The following OPRM1 variants were observed in gnomAD, a reference collection of about 807,000 sequenced individuals.
The protein encoded by OPRM1 is mu-type opioid receptor.
A neutral mutation model predicts 31.8 loss-of-function variants in OPRM1; 27 were observed. The observed-to-expected ratio is 0.85, with a 90% CI of 0.63 to 1.17. The LOEUF is 1.17. Ranked by LOEUF, OPRM1 falls within the 50% of genes most tolerant of loss-of-function variation. The pLI is 0.00. For synonymous variants in OPRM1, 196 were observed against 189.9 expected, an observed-to-expected ratio of 1.03 and a Z score of -0.26; for missense variants, 536 against 511.1, an observed-to-expected ratio of 1.05 and a Z score of -0.47.
chr6:154,119,235 G>T lies in OPRM1; in HGVS notation c.*514G>T. ...AACTTCACCTTAAAATTAGCATCTG[G>T]CTAAGGCATCATTTTCACCTCCATT... On this transcript the variant is annotated 3_prime_UTR_variant, in exon 4 of 4. Coordinates refer to ENST00000330432, the MANE Select transcript of OPRM1 (RefSeq NM_000914.5). 1.0e-6 allele frequency: 1 copy of T among 985,538 alleles called. No homozygotes were observed. Among genetic ancestry groups the T allele is most frequent in the Non-Finnish European group, 1.2e-6 (1 of 829,812 alleles). 61.0% of individuals were successfully genotyped at this position (985,538 alleles called of 1,614,324 possible). A position where few individuals can be genotyped will look rare whatever the true frequency, so the allele number is the denominator to read the frequency against.
At chr6:154,212,888 ACGCTGTCATCGCTTATT>A (rs761866921) in intron 3 of OPRM1, 2 of 1,424,502 alleles carry the variant, frequency 1.4e-6, no homozygotes, top group Non-Finnish European at 2.0e-6. Context: ...TAATGTTTTA[ACGCTGTCATCGCTTATT>A]CCATAATGCA....
chr6:154,063,627 T>C (rs1476650274), intron 1 of OPRM1, among the ~76,000 whole-genome samples: 1 of 152,014 alleles, frequency 6.6e-6, no homozygotes, highest in Non-Finnish European at 1.5e-5. Context: ...ACTGAAACTC[T>C]ATACCCATTA....
intron 3 of OPRM1, among the ~76,000 whole-genome samples, chr6:154,100,827 A>G (rs2128503221): frequency 6.6e-6 from 1 of 150,786 alleles, no homozygotes; most frequent in East Asian, 1.9e-4. Context: ...CTTTTGTCAC[A>G]TTATCCAATA....
chr6:154,053,150 T>C (rs1480292243), intron 1 of OPRM1, among the ~76,000 whole-genome samples: 1 of 152,248 alleles, frequency 6.6e-6, no homozygotes, highest in East Asian at 1.9e-4. Flanking sequence ...GAAGAATTTA[T>C]CTTTATTGGA....
At chr6:154,049,446 G>C (rs935884225) in intron 1 of OPRM1, among the ~76,000 whole-genome samples, 4 of 152,112 alleles carry the variant, frequency 2.6e-5, no homozygotes, top group African/African-American at 9.7e-5. Context: ...ATTTTTTGCT[G>C]CTCTATACAT....
chr6:154,162,279 T>C (rs1342793009), intron 3 of OPRM1, among the ~76,000 whole-genome samples: 2 of 152,206 alleles, frequency 1.3e-5, no homozygotes, highest in East Asian at 3.9e-4. Context: ...TTTGCTGTTA[T>C]TTCTTGCATG....
chr6:154,053,605 G>A (rs2128419932), intron 1 of OPRM1, among the ~76,000 whole-genome samples: 1 of 152,242 alleles, frequency 6.6e-6, no homozygotes, highest in East Asian at 1.9e-4. Context: ...TTGACTTCTT[G>A]TCTACAGTTT....
In OPRM1 at chr6:154,185,799, C is replaced by A. The variant is rs535131247; in HGVS notation, c.1165-60894C>A. On this transcript the variant is annotated intron_variant, in intron 3 of 3. Transcript: ENST00000337049. ...AAAAAGAAAAAAATCACAAAAAATT[C>A]TCATAATGTTATAAGAAAGTTGATG... Among the ~76,000 whole-genome samples the A allele has an allele frequency of 7.2e-5, 11 of 152,316 alleles. 1 individual carries two copies. In the South Asian group the frequency reaches 2.3e-3, roughly 32 times the overall value.
Position 154,161,329 on chromosome 6 carries a change from A to G in OPRM1, c.1164+69857A>G, listed in dbSNP as rs190544946. On this transcript the variant is annotated intron_variant, in intron 3 of 3. Transcript: ENST00000337049. ...AGGTTCAAGCGATTCTCCTGCATCA[A>G]CCTCCCAAGTAGCTGGGATTACAGG... 1.9e-4 allele frequency among the ~76,000 whole-genome samples: 28 copies of G among 151,210 alleles called. No individual in the cohort carries two copies. In the East Asian group the frequency reaches 5.5e-3, roughly 29 times the overall value.
chr6:154,172,726 G>T (rs1019010010), intron 3 of OPRM1, among the ~76,000 whole-genome samples: 5 of 152,246 alleles, frequency 3.3e-5, no homozygotes, highest in African/African-American at 1.2e-4. Context: ...ACCTCTGGGG[G>T]CAGGGCATAT....
At chr6:154,182,675 G>A (rs529729542) in intron 3 of OPRM1, among the ~76,000 whole-genome samples, 39 of 152,178 alleles carry the variant, frequency 2.6e-4, no homozygotes, top group Admixed American at 1.3e-3. Flanking sequence ...AGTTGAATGA[G>A]AACAAAATGG....
intron 1 of OPRM1, among the ~76,000 whole-genome samples, chr6:154,014,370 A>G (rs1777891306): frequency 6.6e-6 from 1 of 152,182 alleles, no homozygotes; most frequent in Admixed American, 6.5e-5. Context: ...ACATAACCTT[A>G]TATTTAAGAG....
At chr6:154,027,265 G>C (rs891962427) in intron 1 of OPRM1, among the ~76,000 whole-genome samples, 1 of 147,592 alleles carries the variant, frequency 6.8e-6, no homozygotes, top group Non-Finnish European at 1.5e-5. Flanking sequence ...TGAATTACCA[G>C]GTAGAGACTC....
intron 1 of OPRM1, among the ~76,000 whole-genome samples, chr6:154,068,951 G>A (rs909097967): frequency 6.6e-6 from 1 of 152,260 alleles, no homozygotes; most frequent in Non-Finnish European, 1.5e-5. Flanking sequence ...TTTCCCTGAT[G>A]ATTACTGATG....
chr6:154,154,879 C>A (rs1439877494), intron 3 of OPRM1: 2 of 152,498 alleles, frequency 1.3e-5, no homozygotes, highest in African/African-American at 4.8e-5. Context: ...ATCTTGCCCC[C>A]AAACACCATG....
chr6:154,145,193 C>T (rs1798327206), intron 3 of OPRM1, among the ~76,000 whole-genome samples: 1 of 152,094 alleles, frequency 6.6e-6, no homozygotes, highest in Admixed American at 6.5e-5. Context: ...AGGAAACAAA[C>T]CAACAAACTT....
rs1203587248 is a variant in OPRM1, at chr6:154,130,955, A to G, written c.*12234A>G. Among the ~76,000 whole-genome samples, 1 of 152,134 alleles carries G rather than the reference A, an allele frequency of 6.6e-6. No homozygotes were observed. Among genetic ancestry groups the G allele is most frequent in the African/African-American group, 2.4e-5 (1 of 41,444 alleles). On this transcript the variant is annotated 3_prime_UTR_variant, in exon 4 of 4. Coordinates refer to ENST00000330432, the MANE Select transcript of OPRM1 (RefSeq NM_000914.5). ...TGTTGTTTTCATTTTATTATGTTAT[A>G]TGAAAAAAAGAAACCTTGTAAGTGC...
chr6:154,168,507 G>A lies in OPRM1; in HGVS notation c.1164+77035G>A, dbSNP rs1445719909. The stretch of plus-strand genomic sequence containing the variant: ...CTGCCCTATTAACTCATCTTAACTA[G>A]TTAAATCTGCAACAACCCCATTTCC... On this transcript the variant is annotated intron_variant, in intron 3 of 3. Transcript: ENST00000337049. The surrounding 1 kb of genome is among the most constrained non-coding windows in gnomAD (Gnocchi z 4.1). Among the ~76,000 whole-genome samples the A allele has an allele frequency of 2.0e-5, 3 of 152,058 alleles. No individual in the cohort carries two copies. The highest frequency in any genetic ancestry group is 1.3e-4 in the Admixed American group (2 of 15,268).
At chr6:154,067,983 C>T (rs1785816902) in intron 1 of OPRM1, among the ~76,000 whole-genome samples, 1 of 152,086 alleles carries the variant, frequency 6.6e-6, no homozygotes, top group Non-Finnish European at 1.5e-5. Flanking sequence ...TTTACCTTTA[C>T]TGAGACCTTT....
Sources: gnomAD v4.1 joint callset for allele counts (sites outside exome capture counted in the v4.1 genomes callset) on GRCh38, gnomAD v4.1.1 for gene constraint, Gnocchi (gnomAD v3.1) non-coding constraint, MANE v1.5 for transcripts, NCBI Gene and HGNC (gene_info 2026-07-23, HGNC 2026-07-21) for gene names.